The following OTUD7B variants were observed in gnomAD, a reference collection of about 807,000 sequenced individuals.
The protein encoded by OTUD7B is OTU deubiquitinase 7B, also known as OTU domain-containing protein 7B.
In OTUD7B, 34 loss-of-function variants were observed where a neutral mutation model predicts 82.2. The observed-to-expected ratio is 0.41, with a 90% CI of 0.31 to 0.55. The LOEUF is 0.55. Ranked by LOEUF, OTUD7B falls within the 20% of genes least tolerant of loss-of-function variation. OTUD7B has a pLI of 0.20. For synonymous variants in OTUD7B, 398 were observed against 402.7 expected (o/e 0.99, Z 0.14); for missense variants, 944 against 1,062.1 (o/e 0.89, Z 1.55).
the OTUD7B span, among the ~76,000 whole-genome samples, chr1:150,018,089 A>G: frequency 6.6e-6 from 1 of 152,200 alleles, no homozygotes; most frequent in Non-Finnish European, 1.5e-5. Context: ...GTTGGAAAAA[A>G]ATTTAGAATT....
At chr1:149,974,921 T>G (rs1396602581) in intron 2 of OTUD7B, among the ~76,000 whole-genome samples, 2 of 151,610 alleles carry the variant, frequency 1.3e-5, no homozygotes, top group East Asian at 3.9e-4. Flanking sequence ...CTCAAACTCC[T>G]GGGCTTAATT....
rs587610209 is a variant in OTUD7B at position 149,976,124 on chromosome 1, C to T, written c.85+1302G>A. ...TGTTTCCAAACTCATGCTCTCCTCA[C>T]GGGTAGCCAAGCAAATGTCTAATTG... On this transcript the variant is annotated intron_variant, in intron 2 of 11. Coordinates refer to ENST00000581312, the MANE Select transcript of OTUD7B (RefSeq NM_020205.4). 1.5e-4 allele frequency among the ~76,000 whole-genome samples: 23 copies of T among 152,258 alleles called. No individual in the cohort carries two copies. In the Middle Eastern group the frequency reaches 0.01, roughly 68 times the overall value.
chr1:149,986,300 T>A lies in OTUD7B; in HGVS notation c.-66-8724A>T, dbSNP rs587629991. On this transcript the variant is annotated intron_variant, in intron 1 of 11. Transcript: ENST00000581312. ...TACTGTTGATAGTCTATCAGTGTTG[T>A]ACACAGACAAGTCTAAAACAGTAAC... is the stretch of plus-strand genomic sequence containing the variant. 3.3e-5 allele frequency among the ~76,000 whole-genome samples: 5 copies of A among 152,080 alleles called. No homozygotes were observed. The East Asian group carries it at 7.7e-4, about 23-fold the overall frequency.
At chr1:149,975,409 C>A (rs1265487475) in intron 2 of OTUD7B, among the ~76,000 whole-genome samples, 10 of 152,202 alleles carry the variant, frequency 6.6e-5, no homozygotes, top group Non-Finnish European at 1.5e-4. Context: ...CCTACTTAAA[C>A]CTCACTGAGC....
intron 1 of OTUD7B, among the ~76,000 whole-genome samples, chr1:149,989,251 T>C (rs1553781492): frequency 6.6e-6 from 1 of 151,972 alleles, no homozygotes; most frequent in African/African-American, 2.4e-5. Flanking sequence ...GGTGGGCAGA[T>C]CACTTGAGGT....
chr1:149,950,222 C>G lies in OTUD7B; in HGVS notation c.846-1G>C. 6.2e-7 allele frequency: 1 copy of G among 1,614,020 alleles called. No individual in the cohort carries two copies. The highest frequency in any genetic ancestry group is 8.5e-7 in the Non-Finnish European group (1 of 1,179,994). The stretch of plus-strand genomic sequence containing the variant: ...TACAGGCTCCTCAGAACTCTCCACC[C>G]TGGAACGACGGGAAGGGAGAGAGTG... On this transcript the variant is annotated splice_acceptor_variant, in intron 7 of 11. Transcript: ENST00000581312. LOFTEE classifies it high-confidence loss of function.
chr1:150,047,475 G>A, the OTUD7B span, among the ~76,000 whole-genome samples: 1 of 151,970 alleles, frequency 6.6e-6, no homozygotes, highest in Non-Finnish European at 1.5e-5. Context: ...TCACTAGATT[G>A]TAAGAGAGAT....
chr1:149,961,878 C>T (rs1455373013), intron 6 of OTUD7B: 3 of 152,008 alleles, frequency 2.0e-5, no homozygotes, highest in African/African-American at 7.3e-5. Flanking sequence ...AATACATTGG[C>T]TTTAGGATGT....
chr1:150,054,098 A>G, the OTUD7B span: 2 of 393,912 alleles, frequency 5.1e-6, no homozygotes, highest in African/African-American at 4.2e-5. Context: ...TGTGAAATCC[A>G]AGGTTGAAAA....
the OTUD7B span, among the ~76,000 whole-genome samples, chr1:150,060,765 A>G: frequency 1.3e-5 from 2 of 152,212 alleles, no homozygotes; most frequent in East Asian, 3.8e-4. Flanking sequence ...GAATATCCAC[A>G]TACCCTCTAC....
the OTUD7B span, among the ~76,000 whole-genome samples, chr1:150,058,246 C>T: frequency 2.0e-5 from 3 of 152,188 alleles, no homozygotes; most frequent in African/African-American, 7.2e-5. Flanking sequence ...AGGCTGGTGC[C>T]TTTAATCCCA....
At chr1:150,035,957 G>GTTTTT in the OTUD7B span, among the ~76,000 whole-genome samples, 10 of 134,268 alleles carry the variant, frequency 7.4e-5, no homozygotes, top group African/African-American at 2.0e-4. Flanking sequence ...CATTGTAACT[G>GTTTTT]TTTTTTTTTT....
At chr1:149,970,571 G>A (rs1009452657) in intron 3 of OTUD7B, among the ~76,000 whole-genome samples, 4 of 151,778 alleles carry the variant, frequency 2.6e-5, no homozygotes, top group African/African-American at 9.7e-5. Context: ...CACCCACCTC[G>A]ACCTCCCAAA....
intron 2 of OTUD7B, among the ~76,000 whole-genome samples, chr1:149,976,170 G>C (rs1193092845): frequency 6.6e-6 from 1 of 152,102 alleles, no homozygotes; most frequent in African/African-American, 2.4e-5. Context: ...CTAAGGGCTG[G>C]CAATTTAAAA....
the OTUD7B span, among the ~76,000 whole-genome samples, chr1:150,033,512 AG>A: frequency 6.6e-6 from 1 of 152,144 alleles, no homozygotes; most frequent in African/African-American, 2.4e-5. Flanking sequence ...TATGTCACAA[AG>A]AACTTGCCAG....
chr1:150,046,417 A>C, the OTUD7B span, among the ~76,000 whole-genome samples: 1 of 147,360 alleles, frequency 6.8e-6, no homozygotes, highest in East Asian at 2.0e-4. Context: ...AGCCAGACTG[A>C]TCCTCTCCTC....
rs1176193849 is a variant in OTUD7B, at chr1:149,976,633, A to AAAAAAAAT, written c.85+792_85+793insATTTTTTT. ...TCTACAAAAAAAAAAAAAAAAAAAT[A>AAAAAAAAT]CTAGAACATTCAAACTTATGTGTAT... On this transcript the variant is annotated intron_variant, in intron 2 of 11. Coordinates refer to ENST00000581312, the MANE Select transcript of OTUD7B (RefSeq NM_020205.4). Among the ~76,000 whole-genome samples, 14 of 102,638 alleles carry AAAAAAAAT rather than the reference A, an allele frequency of 1.4e-4. 2 individuals carry two copies. The highest frequency in any genetic ancestry group is 5.6e-4 in the East Asian group (2 of 3,574). 67.3% of individuals were successfully genotyped at this position (102,638 alleles called of 152,430 possible). A position where few individuals can be genotyped will look rare whatever the true frequency, so the allele number is the denominator to read the frequency against.
the OTUD7B span, among the ~76,000 whole-genome samples, chr1:150,042,923 A>C: frequency 6.6e-6 from 1 of 152,220 alleles, no homozygotes; most frequent in African/African-American, 2.4e-5. Context: ...ATTAGTAAGA[A>C]TATCTATAAT....
chr1:150,047,453 G>A, the OTUD7B span, among the ~76,000 whole-genome samples: 3,271 of 151,988 alleles, frequency 0.022, 98 homozygotes, highest in African/African-American at 0.074. Flanking sequence ...TTTGTGTACT[G>A]TCTGATTGTC....
Sources: gnomAD v4.1 joint callset for allele counts (sites outside exome capture counted in the v4.1 genomes callset) on GRCh38, gnomAD v4.1.1 for gene constraint, MANE v1.5 for transcripts, NCBI Gene and HGNC (gene_info 2026-07-23, HGNC 2026-07-21) for gene names.